Variants in KANSL1L observed in about 807,000 individuals in gnomAD.
KANSL1L encodes KAT8 regulatory NSL complex subunit 1-like protein.
Under a neutral mutation model 108.6 loss-of-function variants are expected in KANSL1L, and 25 were observed. The ratio of observed to expected loss-of-function variants is 0.23; its 90% CI spans 0.17 to 0.32. The LOEUF is 0.32. KANSL1L is among the 10% of genes least tolerant of loss of function. The pLI, the probability that KANSL1L is intolerant of heterozygous loss-of-function variation, is 1.00. For synonymous variants in KANSL1L, 405 were observed against 395.1 expected (o/e 1.03, Z -0.30); for missense variants, 1,137 against 1,125.7 (o/e 1.01, Z -0.14).
intron 4 of KANSL1L, among the ~76,000 whole-genome samples, chr2:210,102,183 G>A (rs2094800237): frequency 6.6e-6 from 1 of 152,118 alleles, no homozygotes; most frequent in African/African-American, 2.4e-5. Flanking sequence ...ATGCTGTTTA[G>A]CCTTGTAGTA....
intron 3 of KANSL1L, among the ~76,000 whole-genome samples, chr2:210,114,742 T>C (rs1266277819): frequency 6.6e-6 from 1 of 152,100 alleles, no homozygotes. Flanking sequence ...ATTATTAATG[T>C]ATGCTTTGGG....
intron 6 of KANSL1L, among the ~76,000 whole-genome samples, chr2:210,059,714 A>G (rs1190170828): frequency 6.6e-6 from 1 of 152,186 alleles, no homozygotes; most frequent in East Asian, 1.9e-4. Context: ...ATGCTCCAGT[A>G]GGTGTGGCAT....
chr2:210,045,169 A>T (rs2094210545), intron 6 of KANSL1L, among the ~76,000 whole-genome samples: 1 of 152,196 alleles, frequency 6.6e-6, no homozygotes, highest in South Asian at 2.1e-4. Flanking sequence ...AGGAGCCAGT[A>T]ACTGGACTTG....
Position 210,023,160 on chromosome 2 carries a change from C to T in KANSL1L, c.2753G>A (p.Arg918Gln), listed in dbSNP as rs368446992. ...QETKSLWWER[R>Q]AFPLKGEDMA... ...GTCTTCACCCTTCAGTGGAAAAGCC[C>T]GTCGTTCCCACCACAAAGACTGAAA... is the stretch of plus-strand genomic sequence containing the variant. The change falls in exon 15 of 15, where the codon CGG becomes CAG. Residue 918 changes from arginine to glutamine, a missense_variant. Arg to Gln is a conservative substitution (Grantham distance 43). Around this residue, in one of 3 missense-constraint regions of KANSL1L, gnomAD observed 575 missense variants for 567.1 expected, o/e 1.01. Coordinates refer to ENST00000281772, the MANE Select transcript of KANSL1L (RefSeq NM_152519.4). 3 of 1,613,890 alleles carry T rather than the reference C, an allele frequency of 1.9e-6. No homozygotes were observed. The highest frequency in any genetic ancestry group is 2.5e-6 in the Non-Finnish European group (3 of 1,179,878).
At chr2:210,146,737 T>C (rs755414611) in intron 2 of KANSL1L, among the ~76,000 whole-genome samples, 2 of 152,198 alleles carry the variant, frequency 1.3e-5, no homozygotes, top group Non-Finnish European at 2.9e-5. Context: ...CTCAGATGTG[T>C]TGGGGTGAAG....
intron 5 of KANSL1L, among the ~76,000 whole-genome samples, chr2:210,090,543 T>C (rs895855695): frequency 6.6e-6 from 1 of 152,166 alleles, no homozygotes; most frequent in Non-Finnish European, 1.5e-5. Context: ...TTTGTTGTTT[T>C]TGGGGGGTTT....
intron 5 of KANSL1L, among the ~76,000 whole-genome samples, chr2:210,078,760 C>T (rs979738586): frequency 6.6e-5 from 10 of 152,096 alleles, no homozygotes; most frequent in African/African-American, 2.4e-4. Context: ...GAAGACAACA[C>T]AAGCCTGATC....
chr2:210,056,201 T>C (rs62201608), intron 6 of KANSL1L, among the ~76,000 whole-genome samples: 7,756 of 152,252 alleles, frequency 0.051, 271 homozygotes, highest in Non-Finnish European at 0.079. Flanking sequence ...GTGTTGAGCA[T>C]GTGGTGTTGA....
intron 9 of KANSL1L, among the ~76,000 whole-genome samples, chr2:210,030,534 ACT>A (rs756595973): frequency 0.038 from 4,934 of 128,542 alleles, 334 homozygotes; most frequent in African/African-American, 0.14. Context: ...GTTCCCAGTT[ACT>A]GTGTGTGTGT....
At chr2:210,150,867 G>T (rs185358588) in intron 2 of KANSL1L, among the ~76,000 whole-genome samples, 1 of 152,038 alleles carries the variant, frequency 6.6e-6, no homozygotes, top group East Asian at 1.9e-4. Flanking sequence ...AATAGGGGTT[G>T]GTTGGTTAAG....
intron 6 of KANSL1L, among the ~76,000 whole-genome samples, chr2:210,054,321 CAAAAAA>C (rs138535904): frequency 4.9e-5 from 6 of 122,862 alleles, no homozygotes; most frequent in Admixed American, 8.3e-5. Context: ...GACTCCATCT[CAAAAAA>C]AAAAAAAAAA....
intron 2 of KANSL1L, among the ~76,000 whole-genome samples, chr2:210,138,155 AT>A (rs564485402): frequency 2.7e-4 from 40 of 150,494 alleles, no homozygotes; most frequent in South Asian, 2.3e-3. Context: ...ATGAGCTGTG[AT>A]TTTTTTTTTA....
chr2:210,154,588 T>C lies in KANSL1L; in HGVS notation c.-6A>G, dbSNP rs200470743. ...TCCCTCAGAGCTGGGGTCATGGCGA[T>C]TCCTGTAGATAAGTATTGGAAACCT... is the stretch of plus-strand genomic sequence containing the variant. On this transcript the variant is annotated 5_prime_UTR_variant, in exon 2 of 15. Transcript: ENST00000281772. 183 of 1,475,056 alleles carry C rather than the reference T, an allele frequency of 1.2e-4. No individual in the cohort carries two copies. Among genetic ancestry groups the C allele is most frequent in the Non-Finnish European group, 1.6e-4 (176 of 1,111,702 alleles). 91.4% of individuals were successfully genotyped at this position (1,475,056 alleles called of 1,614,324 possible). A position where few individuals can be genotyped will look rare whatever the true frequency, so the allele number is the denominator to read the frequency against.
intron 6 of KANSL1L, among the ~76,000 whole-genome samples, chr2:210,065,742 C>T (rs1434661494): frequency 3.3e-5 from 5 of 152,018 alleles, no homozygotes; most frequent in East Asian, 1.9e-4. Flanking sequence ...CGCACCACCA[C>T]GCCCGGCTAA....
At chr2:210,062,043 A>G (rs991553259) in intron 6 of KANSL1L, among the ~76,000 whole-genome samples, 1 of 152,234 alleles carries the variant, frequency 6.6e-6, no homozygotes, top group Non-Finnish European at 1.5e-5. Flanking sequence ...AATTAAAAAT[A>G]TATTTAAAGC....
At chr2:210,058,122 A>AT (rs1445096040) in intron 6 of KANSL1L, among the ~76,000 whole-genome samples, 2 of 152,214 alleles carry the variant, frequency 1.3e-5, no homozygotes, top group Non-Finnish European at 2.9e-5. Context: ...ATATCGCTGA[A>AT]TTCTTTTTCT....
intron 3 of KANSL1L, among the ~76,000 whole-genome samples, chr2:210,117,894 C>T (rs9789435): frequency 0.99 from 150,765 of 152,286 alleles, 74,648 homozygotes; most frequent in East Asian, 1. Context: ...CCAGGCACGA[C>T]GGCTCATGCC....
chr2:210,058,106 G>A (rs559243928), intron 6 of KANSL1L, among the ~76,000 whole-genome samples: 2 of 152,306 alleles, frequency 1.3e-5, no homozygotes, highest in East Asian at 1.9e-4. Flanking sequence ...AAAGCAAATG[G>A]GAGAAATATC....
At chr2:210,127,909 A>G (rs2095083842) in intron 3 of KANSL1L, among the ~76,000 whole-genome samples, 4 of 151,860 alleles carry the variant, frequency 2.6e-5, no homozygotes, top group Admixed American at 1.3e-4. Flanking sequence ...AAACGCAACA[A>G]GAAAAAAACA....
Sources: allele counts gnomAD v4.1 joint callset (sites outside exome capture counted in the v4.1 genomes callset), GRCh38; gene constraint gnomAD v4.1.1; regional missense constraint gnomAD v4.1.1; transcripts MANE v1.5; gene names NCBI Gene and HGNC (gene_info 2026-07-23, HGNC 2026-07-21).